DCLRE1C: variants seen among roughly 807,000 people sequenced by gnomAD.
DCLRE1C encodes DNA cross-link repair 1C, also known as protein artemis.
Under a neutral mutation model 61.4 loss-of-function variants are expected in DCLRE1C, and 47 were observed. That is an observed-to-expected ratio of 0.77 (90% confidence interval 0.61 to 0.98). The LOEUF is 0.98. Among genes scored for constraint, DCLRE1C ranks in the 50% least tolerant of loss-of-function variants. The pLI is 0.00. For synonymous variants in DCLRE1C, 337 were observed against 287.6 expected, an observed-to-expected ratio of 1.17 and a Z score of -1.74; for missense variants, 858 against 816.0, an observed-to-expected ratio of 1.05 and a Z score of -0.63.
chr10:14,953,261 A>G (rs1054235630), intron 1 of DCLRE1C, among the ~76,000 whole-genome samples: 12 of 152,230 alleles, frequency 7.9e-5, no homozygotes, highest in African/African-American at 2.7e-4. Flanking sequence ...CTTAGCTCCA[A>G]TCTCTGCTTG....
intron 13 of DCLRE1C, among the ~76,000 whole-genome samples, chr10:14,917,860 T>C (rs1034034916): frequency 7.2e-5 from 11 of 152,086 alleles, no homozygotes; most frequent in Admixed American, 2.0e-4. Context: ...AAGATTTGAA[T>C]AGACACTTCA....
chr10:14,921,148 G>A (rs1442691810), intron 12 of DCLRE1C, among the ~76,000 whole-genome samples: 2 of 151,958 alleles, frequency 1.3e-5, no homozygotes, highest in East Asian at 3.9e-4. Context: ...GTGAAACCCC[G>A]TCTCTACTAA....
rs1244256034 is a variant in DCLRE1C at position 14,928,108 on chromosome 10, A to T, written c.825T>A (p.Thr275=). ...FQWSKLPCGI[T]SRNRIPLHII... ...TGTGGAGTGGAATTCTATTTCTGGA[A>T]GTAATTCCACAGGGTAATTTGCTCC... Residue 275 remains threonine, a synonymous_variant, in exon 10 of 14, where the codon ACT becomes ACA. Transcript: ENST00000378278. 1 of 1,613,480 alleles carries T rather than the reference A, an allele frequency of 6.2e-7. No homozygotes were observed. The highest frequency in any genetic ancestry group is 1.3e-5 in the African/African-American group (1 of 74,892).
chr10:14,907,622 G>A lies in DCLRE1C; in HGVS notation c.*786C>T, dbSNP rs562047590. Among the ~76,000 whole-genome samples, 2 of 152,108 alleles carry A rather than the reference G, an allele frequency of 1.3e-5. No homozygotes were observed. The highest frequency in any genetic ancestry group is 4.2e-4 in the South Asian group (2 of 4,816). ...CGTTTAGGATTATTTTGTCTTCTTG[G>A]TGAACTAGACCTTTTATCATTAGGA... is the stretch of plus-strand genomic sequence containing the variant. On this transcript the variant is annotated 3_prime_UTR_variant, in exon 14 of 14. Coordinates refer to ENST00000378278, the MANE Select transcript of DCLRE1C (RefSeq NM_001033855.3).
intron 13 of DCLRE1C, among the ~76,000 whole-genome samples, chr10:14,919,304 A>G (rs1222605064): frequency 1.3e-5 from 2 of 152,210 alleles, no homozygotes; most frequent in African/African-American, 2.4e-5. Flanking sequence ...ATCCTTCTGT[A>G]TAAACACTAC....
Position 14,945,178 on chromosome 10 carries a change from T to C in DCLRE1C, c.173A>G (p.Tyr58Cys). 6.2e-7 allele frequency: 1 copy of C among 1,612,728 alleles called. No individual in the cohort carries two copies. The highest frequency in any genetic ancestry group is 8.5e-7 in the Non-Finnish European group (1 of 1,179,406). ...KRRLECSLKV[Y>C]LYCSPVTKEL... ...CTTAGTCACAGGTGAACAGTATAGATAAACCTTCAAGCTGAAAGGAAAAAA... is the reference window on the plus strand; with the variant it reads ...CTTAGTCACAGGTGAACAGTATAGACAAACCTTCAAGCTGAAAGGAAAAAA... The change falls in exon 3 of 14, where the codon TAT (tyrosine) becomes TGT (cysteine). Residue 58 changes from tyrosine (Y) to cysteine (C), a missense_variant. Physicochemically the swap from Tyr to Cys is radical, Grantham distance 194. Transcript: ENST00000378278.
chr10:14,952,264 G>A (rs543483088), intron 1 of DCLRE1C, among the ~76,000 whole-genome samples: 5 of 152,260 alleles, frequency 3.3e-5, no homozygotes, highest in Admixed American at 6.5e-5. Context: ...GCATATCCTC[G>A]TCCAGCAGTG....
At chr10:14,897,844 AAC>A in exon 14 of DCLRE1C, 1 of 172,482 alleles carries the variant, frequency 5.8e-6, no homozygotes, top group South Asian at 2.0e-4. Flanking sequence ...ACTCAGATGT[AAC>A]ACATGCTGCT....
chr10:14,899,378 T>G (rs1833835860), intron 13 of DCLRE1C: 1 of 769,972 alleles, frequency 1.3e-6, no homozygotes, highest in African/African-American at 1.7e-5. Flanking sequence ...TTTTCCCACC[T>G]CTTTGCATCT....
chr10:14,940,454 G>C (rs1247230506), intron 3 of DCLRE1C, among the ~76,000 whole-genome samples: 1 of 151,858 alleles, frequency 6.6e-6, no homozygotes, highest in African/African-American at 2.4e-5. Context: ...ACGCAAGGCT[G>C]AGTTTTTTGT....
chr10:14,954,187 G>A (rs1346042184), upstream of DCLRE1C: 5 of 1,040,148 alleles, frequency 4.8e-6, no homozygotes, highest in African/African-American at 3.2e-5. Context: ...GCATCCGGTC[G>A]GGTTCTAGGC....
chr10:14,915,608 C>G (rs924519291), intron 13 of DCLRE1C, among the ~76,000 whole-genome samples: 4 of 151,564 alleles, frequency 2.6e-5, no homozygotes, highest in African/African-American at 9.7e-5. Flanking sequence ...CTGAATAGTC[C>G]TGTGCCTATT....
chr10:14,942,818 C>T (rs1167056521), intron 3 of DCLRE1C, among the ~76,000 whole-genome samples: 2 of 152,052 alleles, frequency 1.3e-5, no homozygotes, highest in African/African-American at 4.8e-5. Flanking sequence ...GAGGCACTGG[C>T]TGCAAGCAGC....
intron 13 of DCLRE1C, among the ~76,000 whole-genome samples, chr10:14,918,981 T>C (rs1433847864): frequency 6.6e-6 from 1 of 152,162 alleles, no homozygotes. Flanking sequence ...ATGGTACCCC[T>C]TGTAAGTTTG....
exon 14 of DCLRE1C, chr10:14,898,937 G>C (rs1192734168): frequency 5.4e-6 from 2 of 371,294 alleles, no homozygotes; most frequent in Non-Finnish European, 9.6e-6. Flanking sequence ...TTAACATTCA[G>C]TTGTGTCCTG....
At chr10:14,917,283 A>T (rs1836350233) in intron 13 of DCLRE1C, among the ~76,000 whole-genome samples, 1 of 152,212 alleles carries the variant, frequency 6.6e-6, no homozygotes, top group South Asian at 2.1e-4. Flanking sequence ...GTAAAACCTA[A>T]AATTGTAACA....
intron 12 of DCLRE1C, among the ~76,000 whole-genome samples, chr10:14,920,704 G>A (rs749930436): frequency 2.0e-5 from 3 of 152,210 alleles, no homozygotes; most frequent in Non-Finnish European, 2.9e-5. Context: ...GATGGGGGCC[G>A]GGTGCGGTGG....
At chr10:14,943,657 A>G (rs1841228162) in intron 3 of DCLRE1C, among the ~76,000 whole-genome samples, 1 of 152,090 alleles carries the variant, frequency 6.6e-6, no homozygotes, top group Non-Finnish European at 1.5e-5. Flanking sequence ...GGTTCAAGCG[A>G]TTCTCCTGCC....
In DCLRE1C at chr10:14,907,652, G is replaced by C. The variant is rs1834530913; in HGVS notation, c.*756C>G. On this transcript the variant is annotated 3_prime_UTR_variant, in exon 14 of 14. Coordinates refer to ENST00000378278, the MANE Select transcript of DCLRE1C (RefSeq NM_001033855.3). ...CTAGACCTTTTATCATTAGGAAACT[G>C]TCCATATAACCACTCCATTTTTAAT... Among the ~76,000 whole-genome samples, 1 of 152,008 alleles carries C rather than the reference G, an allele frequency of 6.6e-6. No individual in the cohort carries two copies. Among genetic ancestry groups the C allele is most frequent in the African/African-American group, 2.4e-5 (1 of 41,414 alleles).
Sources: allele counts gnomAD v4.1 joint callset (sites outside exome capture counted in the v4.1 genomes callset), GRCh38; gene constraint gnomAD v4.1.1; transcripts MANE v1.5; gene names NCBI Gene and HGNC (gene_info 2026-07-23, HGNC 2026-07-21).